KLHL4: variants seen among roughly 807,000 people sequenced by gnomAD.
KLHL4 encodes kelch-like protein 4.
KLHL4 carries 17 observed loss-of-function variants against 45.8 expected under a neutral mutation model. The ratio of observed to expected loss-of-function variants is 0.37; its 90% CI spans 0.25 to 0.56. KLHL4 has a LOEUF of 0.56. Ranked by LOEUF, KLHL4 falls within the 20% of genes least tolerant of loss-of-function variation. The probability of loss-of-function intolerance (pLI) is 0.79; values close to 1 mark genes in which losing one functional copy is unlikely to be tolerated. For synonymous variants in KLHL4, 224 were observed against 189.9 expected (o/e 1.18, Z -1.47); for missense variants, 544 against 544.9 (o/e 1.00, Z 0.02).
chrX:87,555,219 G>T (rs1487424300), intron 1 of KLHL4, among the ~76,000 whole-genome samples: 64 of 107,854 alleles, frequency 5.9e-4, no homozygotes, highest in African/African-American at 1.9e-3. Context: ...GTATCAGGAT[G>T]ATGCTGGCCT....
At position 87,565,703 on chromosome X, in the gene KLHL4, AAAAAAAAAAAG is replaced by A. The variant is rs1182784310; in HGVS notation, c.422+47389_422+47399del. ...ATTGTGCCAAAAAAAAAAAAAAAAA[AAAAAAAAAAAG>A]GAAATGAATTAGGGGACACTACTGC... On this transcript the variant is annotated intron_variant, in intron 1 of 10. Transcript: ENST00000373119. 4.4e-3 allele frequency among the ~76,000 whole-genome samples: 439 copies of A among 99,533 alleles called. 12 individuals carry two copies. Among genetic ancestry groups the A allele is most frequent in the African/African-American group, 0.013 (356 of 27,026 alleles). The allele number at this position is 99,533 out of a possible 115,157, so 86.4% of individuals were successfully genotyped here.
intron 1 of KLHL4, among the ~76,000 whole-genome samples, chrX:87,596,413 A>G (rs1921841651): frequency 1.8e-5 from 2 of 112,108 alleles, no homozygotes; most frequent in African/African-American, 6.5e-5. Context: ...ATTTTACAAC[A>G]TAAAACCATT....
At chrX:87,536,263 T>C (rs1018330778) in intron 1 of KLHL4, among the ~76,000 whole-genome samples, 3 of 111,358 alleles carry the variant, frequency 2.7e-5, no homozygotes, top group Non-Finnish European at 5.7e-5. Flanking sequence ...AATTTGGCCC[T>C]ATTCTCTTAC....
intron 1 of KLHL4, among the ~76,000 whole-genome samples, chrX:87,604,345 GT>G (rs1236339842): frequency 6.3e-5 from 7 of 111,160 alleles, no homozygotes; most frequent in African/African-American, 2.3e-4. Context: ...TCTACATGCT[GT>G]TTTCCATAGT....
Position 87,656,643 on chromosome X carries a change from G to A in KLHL4, c.1926-8121G>A, listed in dbSNP as rs185056636. On this transcript the variant is annotated intron_variant, in intron 9 of 10. Transcript: ENST00000373119. ...GGTTTTCAGCTTTCTCTTGAATCCT[G>A]TTGAGCTTCTTTAAAATCAATATTT... Among the ~76,000 whole-genome samples the A allele has an allele frequency of 5.5e-5, 6 of 108,960 alleles. No homozygotes were observed. In the East Asian group the frequency reaches 1.5e-3, roughly 26 times the overall value. The allele number at this position is 108,960 out of a possible 115,157, so 94.6% of individuals were successfully genotyped here.
intron 1 of KLHL4, among the ~76,000 whole-genome samples, chrX:87,586,278 C>T (rs772623844): frequency 8.1e-5 from 9 of 110,749 alleles, no homozygotes; most frequent in African/African-American, 2.9e-4. Flanking sequence ...ACAAATGGAT[C>T]TAATACATAT....
chrX:87,518,260 C>T lies in KLHL4; in HGVS notation c.367C>T (p.Arg123Cys), dbSNP rs1296214364. Residue 123 changes from arginine to cysteine, a missense_variant, in exon 1 of 11, where the codon CGC becomes TGC. Transcript: ENST00000373119. ...KNLFKEACEKRAQDLEMMADD... is the reference protein window; with the variant it reads ...KNLFKEACEKCAQDLEMMADD... ...TTTATTCAAAGAAGCTTGTGAGAAA[C>T]GCGCACAAGATTTGGAGATGATGGC... 1 of 1,211,065 alleles carries T rather than the reference C, an allele frequency of 8.3e-7. No individual in the cohort carries two copies. The highest frequency in any genetic ancestry group is 1.1e-6 in the Non-Finnish European group (1 of 894,909).
chrX:87,534,478 G>T (rs993907625), intron 1 of KLHL4, among the ~76,000 whole-genome samples: 3 of 111,132 alleles, frequency 2.7e-5, no homozygotes, highest in Non-Finnish European at 3.8e-5. Context: ...TTGAAAGAAA[G>T]AAATCTAAGA....
intron 9 of KLHL4, among the ~76,000 whole-genome samples, chrX:87,649,377 G>A (rs1335199342): frequency 9.0e-6 from 1 of 111,401 alleles, no homozygotes; most frequent in East Asian, 2.8e-4. Context: ...TTTTAAGGCT[G>A]AATATCATTA....
intron 1 of KLHL4, among the ~76,000 whole-genome samples, chrX:87,523,805 A>T (rs910331701): frequency 1.8e-5 from 2 of 109,993 alleles, no homozygotes; most frequent in African/African-American, 6.6e-5. Context: ...TGTACTAAAA[A>T]TACAAAAATT....
intron 9 of KLHL4, among the ~76,000 whole-genome samples, chrX:87,658,206 G>T (rs1924055821): frequency 8.9e-6 from 1 of 111,749 alleles, no homozygotes; most frequent in Non-Finnish European, 1.9e-5. Flanking sequence ...GCCTGGTCTT[G>T]CAAAGGGGAG....
rs185061011 is a variant in KLHL4, at chrX:87,625,606, T to C, written c.1138-4T>C. ...TTCATATACCATGCATCACTACTTT[T>C]CAGTTACTGGCAGATCTTGAAACCA... On this transcript the variant is annotated splice_region_variant and splice_polypyrimidine_tract_variant and intron_variant, in intron 5 of 10. Transcript: ENST00000373119. 1.0e-5 allele frequency: 12 copies of C among 1,193,096 alleles called. No individual in the cohort carries two copies. In the African/African-American group the frequency reaches 1.9e-4, roughly 19 times the overall value.
rs771453815 is a variant in KLHL4 at position 87,569,907 on chromosome X, G to T, written c.423-43970G>T. ...GTTTCGGAAATAAATGTTGATGATG[G>T]TTGCACAACATTGTGACTTTCCTAA... On this transcript the variant is annotated intron_variant, in intron 1 of 10. Coordinates refer to ENST00000373119, the MANE Select transcript of KLHL4 (RefSeq NM_019117.5). 2.7e-5 allele frequency among the ~76,000 whole-genome samples: 3 copies of T among 111,146 alleles called. No individual in the cohort carries two copies. The South Asian group carries it at 1.1e-3, about 42-fold the overall frequency.
At chrX:87,561,178 CAA>C (rs1391033465) in intron 1 of KLHL4, among the ~76,000 whole-genome samples, 2 of 111,047 alleles carry the variant, frequency 1.8e-5, no homozygotes, top group Non-Finnish European at 1.9e-5. Flanking sequence ...CCAAGTTAAA[CAA>C]CTCTTCACAC....
rs146910003 is a variant in KLHL4, at chrX:87,632,279, G to A, written c.1394G>A (p.Arg465His). Residue 465 changes from arginine to histidine, a missense_variant, in exon 7 of 11, where the codon CGT becomes CAT. Arg to His is a conservative substitution (Grantham distance 29). Transcript: ENST00000373119. Reference protein sequence around the residue: ...SWLHIGTMNGRRLQFGVAVID... With the variant: ...SWLHIGTMNGHRLQFGVAVID... Reference sequence around the variant, plus strand: ...CTACATATTGGCACCATGAATGGCCGTAGGCTTCAATTTGGAGTCGCAGTT... The same window carrying A: ...CTACATATTGGCACCATGAATGGCCATAGGCTTCAATTTGGAGTCGCAGTT... 146 of 1,206,787 alleles carry A rather than the reference G, an allele frequency of 1.2e-4. No homozygotes were observed. Among genetic ancestry groups the A allele is most frequent in the Non-Finnish European group, 1.6e-4 (142 of 892,553 alleles).
At chrX:87,552,894 A>G (rs946948925) in intron 1 of KLHL4, among the ~76,000 whole-genome samples, 2 of 110,304 alleles carry the variant, frequency 1.8e-5, no homozygotes, top group African/African-American at 6.6e-5. Context: ...ATCTGATAGC[A>G]TAATAGGGTG....
intron 1 of KLHL4, among the ~76,000 whole-genome samples, chrX:87,524,535 G>T (rs994530661): frequency 6.3e-5 from 7 of 110,981 alleles, no homozygotes; most frequent in Admixed American, 9.6e-5. Flanking sequence ...AAACATCAGA[G>T]AAATTTACAT....
chrX:87,590,369 A>G (rs1460536088), intron 1 of KLHL4, among the ~76,000 whole-genome samples: 1 of 111,343 alleles, frequency 9.0e-6, no homozygotes, highest in Non-Finnish European at 1.9e-5. Flanking sequence ...AATGAAAGAC[A>G]TCCTGTACTT....
chrX:87,603,650 TG>T (rs1182406633), intron 1 of KLHL4, among the ~76,000 whole-genome samples: 1 of 111,292 alleles, frequency 9.0e-6, no homozygotes, highest in African/African-American at 3.3e-5. Flanking sequence ...GATCAAATCA[TG>T]ATATTTATAT....
Sources: allele counts gnomAD v4.1 joint callset (sites outside exome capture counted in the v4.1 genomes callset), GRCh38; gene constraint gnomAD v4.1.1; transcripts MANE v1.5; gene names NCBI Gene and HGNC (gene_info 2026-07-23, HGNC 2026-07-21).